CAPN14: variants seen among roughly 807,000 people sequenced by gnomAD.
CAPN14 encodes calpain 14.
CAPN14 carries 94 observed loss-of-function variants against 101.3 expected under a neutral mutation model. That is an observed-to-expected ratio of 0.93 (90% CI 0.79 to 1.10). CAPN14 has a LOEUF of 1.10. Ranked by LOEUF, CAPN14 falls within the 50% of genes least tolerant of loss-of-function variation. The probability of loss-of-function intolerance (pLI) is 0.00; values close to 1 mark genes in which losing one functional copy is unlikely to be tolerated. For missense variants in CAPN14, 837 were observed against 828.4 expected (o/e 1.01, Z -0.13); for synonymous variants, 338 against 317.9 (o/e 1.06, Z -0.67).
intron 12 of CAPN14, chr2:31,189,736 C>G: frequency 1.8e-6 from 1 of 570,146 alleles, no homozygotes; most frequent in South Asian, 1.5e-5. Context: ...AAAACAACAC[C>G]AGCACTAAAT....
In CAPN14 at chr2:31,230,353, T is replaced by C. The variant is rs1201382273; in HGVS notation, c.-177+3438A>G. Among the ~76,000 whole-genome samples the C allele has an allele frequency of 6.6e-6, 1 of 152,120 alleles. No homozygotes were observed. Among genetic ancestry groups the C allele is most frequent in the African/African-American group, 2.4e-5 (1 of 41,410 alleles). ...ATCTCCCTATGCACATGTGCAAGAG[T>C]TTCTCTAGATCACGCCTTGAAATAG... On this transcript the variant is annotated intron_variant and NMD_transcript_variant, in intron 1 of 21. Coordinates refer to the CAPN14 transcript ENST00000398824. The surrounding 1 kb of genome is among the most constrained non-coding windows in gnomAD (Gnocchi z 4.3).
At chr2:31,231,013 C>T (rs891561767) in intron 1 of CAPN14, among the ~76,000 whole-genome samples, 1 of 152,160 alleles carries the variant, frequency 6.6e-6, no homozygotes, top group Non-Finnish European at 1.5e-5. Context: ...ACCATATTAA[C>T]CACTGTAACT....
In CAPN14 at chr2:31,230,052, C is replaced by T. The variant is rs571059302; in HGVS notation, c.-176-3401G>A. ...TTTTTTGTAACTTTCATTTTAGGTT[C>T]GGGGGTACATGTGAAGGTTTGTTAT... On this transcript the variant is annotated intron_variant and NMD_transcript_variant, in intron 1 of 21. Coordinates refer to the CAPN14 transcript ENST00000398824. The surrounding 1 kb of genome is among the most constrained non-coding windows in gnomAD (Gnocchi z 4.3). Among the ~76,000 whole-genome samples the T allele has an allele frequency of 1.1e-4, 16 of 152,224 alleles. No individual in the cohort carries two copies. Among genetic ancestry groups the T allele is most frequent in the East Asian group, 3.9e-4 (2 of 5,184 alleles).
intron 8 of CAPN14, among the ~76,000 whole-genome samples, chr2:31,195,581 C>T (rs541782482): frequency 7.2e-5 from 11 of 152,276 alleles, no homozygotes; most frequent in South Asian, 6.2e-4. Flanking sequence ...AAAAGATCTG[C>T]CTTCCTCGAC....
At chr2:31,217,833 G>A (rs1682718655), upstream of CAPN14, among the ~76,000 whole-genome samples, 2 of 152,272 alleles carry the variant, frequency 1.3e-5, no homozygotes, top group African/African-American at 4.8e-5. Flanking sequence ...GATACTGCTT[G>A]CTCACCTCCC....
intron 12 of CAPN14, among the ~76,000 whole-genome samples, chr2:31,190,957 A>G (rs891548838): frequency 2.0e-5 from 3 of 152,148 alleles, no homozygotes; most frequent in African/African-American, 7.2e-5. Flanking sequence ...ACATGTCCCC[A>G]AGCCTTTGTC....
intron 1 of CAPN14, among the ~76,000 whole-genome samples, chr2:31,206,021 AT>A (rs200116287): frequency 7.4e-5 from 8 of 108,752 alleles, no homozygotes; most frequent in East Asian, 6.6e-4. Flanking sequence ...CATTATCTTT[AT>A]TTTTTTTATT....
chr2:31,207,093 C>T (rs1287210667), intron 1 of CAPN14, among the ~76,000 whole-genome samples: 4 of 152,194 alleles, frequency 2.6e-5, no homozygotes, highest in South Asian at 2.1e-4. Flanking sequence ...TATTACACCC[C>T]GCACAGTGTT....
Position 31,187,113 on chromosome 2 carries a change from T to C in CAPN14, c.1588-628A>G, listed in dbSNP as rs1384623177. On this transcript the variant is annotated intron_variant, in intron 15 of 21. Coordinates refer to ENST00000403897, the MANE Select transcript of CAPN14 (RefSeq NM_001145122.2). ...ACTAACATAGGGGGCTCATATTCTCTGTTTTAGTGACATTGCTCAAATATC... is the reference window on the plus strand; with the variant it reads ...ACTAACATAGGGGGCTCATATTCTCCGTTTTAGTGACATTGCTCAAATATC... Among the ~76,000 whole-genome samples, 3 of 152,222 alleles carry C rather than the reference T, an allele frequency of 2.0e-5. No homozygotes were observed. The East Asian group carries it at 5.8e-4, about 29-fold the overall frequency.
Position 31,189,319 on chromosome 2 carries a change from T to A in CAPN14, c.1447A>T (p.Lys483Ter). Residue 483 changes from lysine to a stop codon, truncating the protein, a stop_gained, in exon 13 of 22, where the codon AAG becomes TAG. Coordinates refer to ENST00000403897, the MANE Select transcript of CAPN14 (RefSeq NM_001145122.2). LOFTEE classifies it high-confidence loss of function. ...IVPCILEAHQ[K>*]SEFVLRVFSR... is the part of the protein sequence containing the mutation. ...AAGACCCTGAGGACGAACTCTGACT[T>A]CTGGTGGGCCTCCAATATGCAGGGC... 1.3e-6 allele frequency: 2 copies of A among 1,551,712 alleles called. No homozygotes were observed. The highest frequency in any genetic ancestry group is 1.7e-6 in the Non-Finnish European group (2 of 1,147,010).
chr2:31,183,239 G>C (rs1364471513), intron 16 of CAPN14, among the ~76,000 whole-genome samples: 4 of 152,086 alleles, frequency 2.6e-5, no homozygotes, highest in African/African-American at 9.7e-5. Flanking sequence ...AACCCTAGAA[G>C]AAAACCTAGG....
At chr2:31,205,152 A>G (rs1682003132) in intron 2 of CAPN14, 71 bp downstream of exon 2, 3 of 1,339,012 alleles carry the variant, frequency 2.2e-6, no homozygotes, top group African/African-American at 1.5e-5. Flanking sequence ...TCTCCCATAT[A>G]TCTTAGGCGC....
intron 1 of CAPN14, among the ~76,000 whole-genome samples, chr2:31,208,226 C>T (rs577022850): frequency 2.5e-4 from 38 of 152,158 alleles, no homozygotes; most frequent in Non-Finnish European, 3.8e-4. Flanking sequence ...GGCAAAGCTT[C>T]CCCCAGGCTT....
At chr2:31,231,254 T>C (rs1683184347) in intron 1 of CAPN14, among the ~76,000 whole-genome samples, 1 of 152,184 alleles carries the variant, frequency 6.6e-6, no homozygotes, top group East Asian at 1.9e-4. Context: ...TCAATTTCCA[T>C]GGAAAACCTT....
At chr2:31,191,046 C>T (rs1320355615) in intron 12 of CAPN14, among the ~76,000 whole-genome samples, 1 of 152,146 alleles carries the variant, frequency 6.6e-6, no homozygotes, top group African/African-American at 2.4e-5. Flanking sequence ...GGTTTCATAA[C>T]CCAGTCATGA....
At chr2:31,209,828 G>C (rs1357218542) in intron 1 of CAPN14, among the ~76,000 whole-genome samples, 1 of 152,116 alleles carries the variant, frequency 6.6e-6, no homozygotes, top group Non-Finnish European at 1.5e-5. Context: ...TCATGGGAGT[G>C]TCCATACCAT....
Position 31,173,640 on chromosome 2 carries a change from C to T in CAPN14, c.*1041G>A, listed in dbSNP as rs1056442648. The T allele has an allele frequency of 7.2e-5, 11 of 152,244 alleles. No individual in the cohort carries two copies. The highest frequency in any genetic ancestry group is 2.6e-4 in the Admixed American group (4 of 15,304). 9.4% of individuals were successfully genotyped at this position (152,244 alleles called of 1,614,324 possible). A position where few individuals can be genotyped will look rare whatever the true frequency, so the allele number is the denominator to read the frequency against. ...ATTTCCTTTGAGTTTCATGTCTACTCTCAGAAATTTTAGATTTTGGAGTAT... is the reference window on the plus strand; with the variant it reads ...ATTTCCTTTGAGTTTCATGTCTACTTTCAGAAATTTTAGATTTTGGAGTAT... On this transcript the variant is annotated 3_prime_UTR_variant, in exon 22 of 22. Coordinates refer to ENST00000403897, the MANE Select transcript of CAPN14 (RefSeq NM_001145122.2).
intron 3 of CAPN14, 49 bp from the exon 4 acceptor site, chr2:31,202,301 T>G: frequency 6.9e-7 from 1 of 1,448,166 alleles, no homozygotes; most frequent in South Asian, 1.2e-5. Flanking sequence ...GGGGACTTTA[T>G]GACTGCAGAA....
upstream of CAPN14, among the ~76,000 whole-genome samples, chr2:31,220,106 C>T (rs1682818244): frequency 6.6e-6 from 1 of 152,128 alleles, no homozygotes; most frequent in African/African-American, 2.4e-5. Context: ...AGTCCTTAAC[C>T]TCACCATAAT....
Sources: gnomAD v4.1 joint callset for allele counts (sites outside exome capture counted in the v4.1 genomes callset) on GRCh38, gnomAD v4.1.1 for gene constraint, Gnocchi (gnomAD v3.1) non-coding constraint, MANE v1.5 for transcripts, NCBI Gene and HGNC (gene_info 2026-07-23, HGNC 2026-07-21) for gene names.